PDE5A: variants seen among roughly 807,000 people sequenced by gnomAD.
PDE5A encodes phosphodiesterase 5A, also known as cGMP-specific 3',5'-cyclic phosphodiesterase.
A neutral mutation model predicts 110.2 loss-of-function variants in PDE5A; 67 were observed. The observed-to-expected ratio is 0.61, with a 90% CI of 0.50 to 0.75. The LOEUF (loss-of-function observed/expected upper bound fraction) is 0.75. Ranked by LOEUF, PDE5A falls within the 30% of genes least tolerant of loss-of-function variation. The pLI is 0.00. For synonymous variants in PDE5A, 328 were observed against 351.2 expected, an observed-to-expected ratio of 0.93 and a Z score of 0.74; for missense variants, 862 against 1,045.1, an observed-to-expected ratio of 0.82 and a Z score of 2.42.
In PDE5A at chr4:119,571,304, C is replaced by T. The variant is rs145892522; in HGVS notation, c.832-4160G>A. Among the ~76,000 whole-genome samples the T allele has an allele frequency of 9.8e-3, 1,485 of 152,132 alleles. 19 individuals are homozygous for T. Among genetic ancestry groups the T allele is most frequent in the Non-Finnish European group, 0.01 (712 of 68,012 alleles). On this transcript the variant is annotated intron_variant, in intron 3 of 20. Transcript: ENST00000354960. ...GAATATGTGACCCTTAAATGACAAA[C>T]GGGGTTTTTGACATGTGATAAAGTT...
At chr4:119,523,004 A>C (rs1197888537) in intron 12 of PDE5A, among the ~76,000 whole-genome samples, 1 of 152,100 alleles carries the variant, frequency 6.6e-6, no homozygotes, top group Admixed American at 6.6e-5. Context: ...AAACTCAATC[A>C]GTAGTGAAAA....
chr4:119,521,338 A>T (rs1183428465), intron 12 of PDE5A, among the ~76,000 whole-genome samples: 1 of 151,540 alleles, frequency 6.6e-6, no homozygotes, highest in Non-Finnish European at 1.5e-5. Context: ...ATCCCTAAGA[A>T]GGGTATTTTT....
chr4:119,534,656 T>C (rs1726670484), intron 11 of PDE5A, among the ~76,000 whole-genome samples: 1 of 152,152 alleles, frequency 6.6e-6, no homozygotes, highest in African/African-American at 2.4e-5. Flanking sequence ...AATACTTCTT[T>C]GTTAAATTAT....
In PDE5A at chr4:119,520,981, T is replaced by C; in HGVS notation, c.1859A>G (p.Asn620Ser). 1 of 1,613,126 alleles carries C rather than the reference T, an allele frequency of 6.2e-7. No individual in the cohort carries two copies. The highest frequency in any genetic ancestry group is 2.2e-5 in the East Asian group (1 of 44,826). Reference protein sequence around the residue: ...VAYHNWRHAFNTAQCMFAALK... With the variant: ...VAYHNWRHAFSTAQCMFAALK... ...AGCAGCAAACATGCACTGAGCTGTA[T>C]TAAAGGCATGTCTCCAATTATGATA... The change falls in exon 13 of 21, where the codon AAT becomes AGT. Residue 620 changes from asparagine (N) to serine (S), a missense_variant. By Grantham distance (46) the Asn-to-Ser change is conservative (BLOSUM62 1). Coordinates refer to ENST00000354960, the MANE Select transcript of PDE5A (RefSeq NM_001083.4).
intron 11 of PDE5A, among the ~76,000 whole-genome samples, chr4:119,532,809 G>A (rs1359690537): frequency 6.6e-6 from 1 of 152,010 alleles, no homozygotes; most frequent in Non-Finnish European, 1.5e-5. Context: ...AAAGACATGT[G>A]GCTACATGGC....
intron 4 of PDE5A, among the ~76,000 whole-genome samples, chr4:119,566,402 C>CAT (rs755293839): frequency 3.9e-5 from 6 of 152,108 alleles, no homozygotes; most frequent in Non-Finnish European, 7.4e-5. Flanking sequence ...ATGATATACA[C>CAT]ATAATTACTT....
In PDE5A at chr4:119,628,652, C is replaced by T. The variant is rs746075807; in HGVS notation, c.20G>A (p.Ser7Asn). Reference protein sequence around the residue: MERAGPSFGQQRQQQQP... With the variant: MERAGPNFGQQRQQQQP... ...CTGCTGCTGTCGCTGCTGCCCGAAGCTGGGGCCGGCCCGCTCCATGGTTGG... is the reference window on the plus strand; with the variant it reads ...CTGCTGCTGTCGCTGCTGCCCGAAGTTGGGGCCGGCCCGCTCCATGGTTGG... The change falls in exon 1 of 21, where the codon AGC (serine) becomes AAC (asparagine). Residue 7 changes from serine to asparagine, a missense_variant. Ser to Asn is a conservative substitution (Grantham distance 46). Coordinates refer to ENST00000354960, the MANE Select transcript of PDE5A (RefSeq NM_001083.4). 1 of 1,613,462 alleles carries T rather than the reference C, an allele frequency of 6.2e-7. No homozygotes were observed. The highest frequency in any genetic ancestry group is 1.1e-5 in the South Asian group (1 of 91,066).
intron 3 of PDE5A, among the ~76,000 whole-genome samples, chr4:119,571,656 T>G (rs1408850701): frequency 6.6e-6 from 1 of 152,214 alleles, no homozygotes; most frequent in Admixed American, 6.5e-5. Flanking sequence ...TGTGCTATTT[T>G]AAGTCACTAA....
chr4:119,558,929 A>AC (rs70944892), intron 7 of PDE5A, among the ~76,000 whole-genome samples: 12 of 150,158 alleles, frequency 8.0e-5, no homozygotes, highest in African/African-American at 2.7e-4. Flanking sequence ...AAAAAAAAAA[A>AC]AAAAAAGCTA....
intron 2 of PDE5A, among the ~76,000 whole-genome samples, chr4:119,599,419 A>G (rs979456875): frequency 1.3e-5 from 2 of 152,154 alleles, no homozygotes; most frequent in African/African-American, 2.4e-5. Flanking sequence ...ATTAAAAATT[A>G]ATGTAGGGAT....
chr4:119,623,670 A>T (rs1730240150), intron 1 of PDE5A, among the ~76,000 whole-genome samples: 1 of 152,230 alleles, frequency 6.6e-6, no homozygotes, highest in Non-Finnish European at 1.5e-5. Context: ...AATAATTTAA[A>T]AAGGAAATTT....
chr4:119,512,934 G>A (rs1169134805), intron 14 of PDE5A: 1 of 152,104 alleles, frequency 6.6e-6, no homozygotes, highest in African/African-American at 2.4e-5. Flanking sequence ...AGATCATCCA[G>A]GGAGATGGCC....
At chr4:119,502,524 C>G (rs1725385815) in intron 19 of PDE5A, 57 bp downstream of exon 19, 3 of 1,019,440 alleles carry the variant, frequency 2.9e-6, no homozygotes, top group Non-Finnish European at 4.5e-6. Context: ...AAAAAGGAGT[C>G]TACAATTAAA....
At chr4:119,539,221 A>C in intron 10 of PDE5A, 1 of 533,400 alleles carries the variant, frequency 1.9e-6, no homozygotes, top group South Asian at 2.8e-5. Context: ...AAAAAGTTAT[A>C]CTCCCTATGT....
At chr4:119,558,174 T>C (rs1414150591) in intron 7 of PDE5A, among the ~76,000 whole-genome samples, 1 of 152,202 alleles carries the variant, frequency 6.6e-6, no homozygotes, top group Non-Finnish European at 1.5e-5. Context: ...GAGCCTCCCT[T>C]TGGAAATTCC....
intron 15 of PDE5A, among the ~76,000 whole-genome samples, chr4:119,510,690 G>GTATT (rs1725707590): frequency 6.6e-6 from 1 of 152,034 alleles, no homozygotes; most frequent in Non-Finnish European, 1.5e-5. Context: ...AGAAGAAAGG[G>GTATT]TATTGCTTTG....
chr4:119,620,488 C>G (rs944890322), intron 1 of PDE5A, among the ~76,000 whole-genome samples: 16 of 152,160 alleles, frequency 1.1e-4, no homozygotes, highest in African/African-American at 3.9e-4. Flanking sequence ...CCTACCACTT[C>G]TGAAAGAAAA....
At chr4:119,574,006 C>A (rs1290346051) in intron 3 of PDE5A, among the ~76,000 whole-genome samples, 1 of 151,940 alleles carries the variant, frequency 6.6e-6, no homozygotes, top group African/African-American at 2.4e-5. Flanking sequence ...TGACATAATT[C>A]TTTAATTTTC....
chr4:119,517,833 AC>A (rs746858921), intron 14 of PDE5A, among the ~76,000 whole-genome samples: 1 of 152,056 alleles, frequency 6.6e-6, no homozygotes, highest in Non-Finnish European at 1.5e-5. Context: ...GGAGAGGCGT[AC>A]TATGTGGCTT....
Sources: allele counts gnomAD v4.1 joint callset (sites outside exome capture counted in the v4.1 genomes callset), GRCh38; gene constraint gnomAD v4.1.1; transcripts MANE v1.5; gene names NCBI Gene and HGNC (gene_info 2026-07-23, HGNC 2026-07-21).